Variants in ATXN7 observed in about 807,000 individuals in gnomAD.
ATXN7 encodes the protein ataxin 7, also known as ataxin-7.
ATXN7 carries 12 observed loss-of-function variants against 70.5 expected under a neutral mutation model. That is an observed-to-expected ratio of 0.17 (90% CI 0.11 to 0.28). ATXN7 has a LOEUF of 0.28. Ranked by LOEUF, ATXN7 falls within the 10% of genes least tolerant of loss-of-function variation. ATXN7 has a pLI of 1.00. For missense variants in ATXN7, 1,256 were observed against 1,131.7 expected (o/e 1.11, Z -1.58); for synonymous variants, 498 against 448.7 (o/e 1.11, Z -1.39).
At chr3:63,963,538 C>G (rs1304396961) in intron 5 of ATXN7, among the ~76,000 whole-genome samples, 1 of 152,150 alleles carries the variant, frequency 6.6e-6, no homozygotes, top group African/African-American at 2.4e-5. Context: ...GCTTCTAACT[C>G]TATCCAGGCA....
intron 1 of ATXN7, among the ~76,000 whole-genome samples, chr3:63,880,105 G>T (rs1218793854): frequency 1.3e-5 from 2 of 151,878 alleles, no homozygotes; most frequent in African/African-American, 4.8e-5. Context: ...AAAAAGAACA[G>T]ATTTTTAGCT....
chr3:63,999,473 G>A lies in ATXN7; in HGVS notation c.*6G>A. The A allele has an allele frequency of 6.2e-7, 1 of 1,613,920 alleles. No individual in the cohort carries two copies. The highest frequency in any genetic ancestry group is 8.5e-7 in the Non-Finnish European group (1 of 1,179,942). On this transcript the variant is annotated 3_prime_UTR_variant, in exon 13 of 13. Coordinates refer to ENST00000674280, the MANE Select transcript of ATXN7 (RefSeq NM_001377405.1). ...AGCCAAAGGCACGTCCCTGACAGCT[G>A]AAAATAGCACGGGGAGGAATAATGC...
intron 9 of ATXN7, among the ~76,000 whole-genome samples, chr3:63,989,712 C>T (rs2075637456): frequency 6.6e-6 from 1 of 152,128 alleles, no homozygotes; most frequent in Non-Finnish European, 1.5e-5. Context: ...TATATCAGGC[C>T]ACTTTGTACA....
intron 5 of ATXN7, among the ~76,000 whole-genome samples, chr3:63,977,028 A>G (rs2075399619): frequency 1.3e-5 from 2 of 152,204 alleles, no homozygotes; most frequent in Non-Finnish European, 2.9e-5. Flanking sequence ...CTGAAATTGG[A>G]TGAAAAACTG....
intron 5 of ATXN7, among the ~76,000 whole-genome samples, chr3:63,971,238 C>G (rs1442261584): frequency 6.6e-6 from 1 of 152,164 alleles, no homozygotes; most frequent in Admixed American, 6.5e-5. Flanking sequence ...GAGTTGCCTC[C>G]CAGCCCCAAT....
Position 63,990,235 on chromosome 3 carries a change from A to G in ATXN7, c.1421A>G (p.His474Arg), listed in dbSNP as rs748761537. The G allele has an allele frequency of 3.1e-6, 5 of 1,613,864 alleles. No homozygotes were observed. Among genetic ancestry groups the G allele is most frequent in the East Asian group, 2.2e-5 (1 of 44,854 alleles). The change falls in exon 10 of 13, where the codon CAT (histidine) becomes CGT (arginine). Residue 474 changes from histidine (H) to arginine (R), a missense_variant. By Grantham distance (29) the His-to-Arg change is conservative (BLOSUM62 0). Transcript: ENST00000674280. ...GSAPIDPPPVHESPHPPLPAT... is the reference protein window; with the variant it reads ...GSAPIDPPPVRESPHPPLPAT... Reference sequence around the variant, plus strand: ...GCCCCCATTGACCCTCCTCCAGTCCATGAATCTCCACACCCTCCCCTGCCT... The same window carrying G: ...GCCCCCATTGACCCTCCTCCAGTCCGTGAATCTCCACACCCTCCCCTGCCT...
rs1294288829 is a variant in ATXN7, at chr3:64,001,498, TATAA to T, written c.*2037_*2040del. 7.2e-5 allele frequency: 11 copies of T among 152,336 alleles called. No individual in the cohort carries two copies. Among genetic ancestry groups the T allele is most frequent in the East Asian group, 1.9e-4 (1 of 5,188 alleles). 9.4% of individuals were successfully genotyped at this position (152,336 alleles called of 1,614,324 possible). On this transcript the variant is annotated 3_prime_UTR_variant, in exon 13 of 13. Coordinates refer to ENST00000674280, the MANE Select transcript of ATXN7 (RefSeq NM_001377405.1). ...TTCAGAGCCAAGAGGACTTGATGGT[TATAA>T]ATAAAGTTGCCTTTAGCAATGGAAT...
At position 63,912,757 on chromosome 3, in the gene ATXN7, G is replaced by A. The variant is rs1055385554; in HGVS notation, c.159G>A (p.Pro53=). ...PQPQRQQHPP[P]PPRRTRPEDG... ...CCCAGCGGCAGCAGCACCCGCCACC[G>A]CCGCCACGGCGCACACGGCCGGAGG... is the stretch of plus-strand genomic sequence containing the variant. The change falls in exon 3 of 13, where the codon CCG becomes CCA. Residue 53 remains proline (P), a synonymous_variant. Transcript: ENST00000674280. 1.4e-5 allele frequency: 18 copies of A among 1,320,202 alleles called. No homozygotes were observed. Among genetic ancestry groups the A allele is most frequent in the Non-Finnish European group, 3.9e-6 (4 of 1,034,514 alleles). The allele number at this position is 1,320,202 out of a possible 1,614,324, so 81.8% of individuals were successfully genotyped here. A position where few individuals can be genotyped will look rare whatever the true frequency, so the allele number is the denominator to read the frequency against.
intron 1 of ATXN7, among the ~76,000 whole-genome samples, chr3:63,892,661 G>A (rs892090080): frequency 1.3e-5 from 2 of 152,166 alleles, no homozygotes; most frequent in African/African-American, 4.8e-5. Flanking sequence ...TGGCCTAATT[G>A]CGGGTTCTTA....
rs1467819673 is a variant in ATXN7 at position 64,001,392 on chromosome 3, A to AAG, written c.*1932_*1933dup. 1 of 152,136 alleles carries AAG rather than the reference A, an allele frequency of 6.6e-6. No homozygotes were observed. The highest frequency in any genetic ancestry group is 2.4e-5 in the African/African-American group (1 of 41,428). 9.4% of individuals were successfully genotyped at this position (152,136 alleles called of 1,614,324 possible). ...AGTCTGGTTTCCATCCCAGTCGGGG[A>AAG]AGAGAGAGGTGAGAGGGAATCAGAA... On this transcript the variant is annotated 3_prime_UTR_variant, in exon 13 of 13. Transcript: ENST00000674280.
intron 5 of ATXN7, among the ~76,000 whole-genome samples, chr3:63,978,656 C>G (rs2075432478): frequency 6.6e-6 from 1 of 152,176 alleles, no homozygotes; most frequent in South Asian, 2.1e-4. Context: ...ATTTAACCTT[C>G]CTAACTTGAT....
intron 1 of ATXN7, among the ~76,000 whole-genome samples, chr3:63,885,910 G>C (rs1703072052): frequency 1.3e-5 from 2 of 152,158 alleles, no homozygotes; most frequent in African/African-American, 4.8e-5. Flanking sequence ...CCAGCTACTT[G>C]AGAGGCTGAG....
chr3:63,978,443 A>G (rs1389997164), intron 5 of ATXN7, among the ~76,000 whole-genome samples: 1 of 152,216 alleles, frequency 6.6e-6, no homozygotes, highest in African/African-American at 2.4e-5. Flanking sequence ...CATGTTTACA[A>G]TCCTGGCTGA....
At chr3:63,865,036 A>G (rs1310379187) in intron 1 of ATXN7, 3 of 152,084 alleles carry the variant, frequency 2.0e-5, no homozygotes, top group Admixed American at 1.3e-4. Context: ...TTGTTTTCCA[A>G]TTTTCCTGTC....
intron 4 of ATXN7, among the ~76,000 whole-genome samples, chr3:63,939,886 C>A (rs1299023547): frequency 6.6e-6 from 1 of 151,960 alleles, no homozygotes; most frequent in African/African-American, 2.4e-5. Context: ...CTGGTAGCTC[C>A]CTGAAAAGCC....
At chr3:63,919,265 A>G (rs1279521814) in intron 4 of ATXN7, among the ~76,000 whole-genome samples, 1 of 152,202 alleles carries the variant, frequency 6.6e-6, no homozygotes, top group Non-Finnish European at 1.5e-5. Context: ...AGTGAACAGC[A>G]GAGTTGACTA....
rs922366150 is a variant in ATXN7 at position 63,892,697 on chromosome 3, G to A, written c.-110-5702G>A. ...GCAAGGCAATAGCATCCCACTCCAG[G>A]CACATATTAACCTGAGTGGCTGGGT... On this transcript the variant is annotated intron_variant, in intron 1 of 12. Coordinates refer to ENST00000674280, the MANE Select transcript of ATXN7 (RefSeq NM_001377405.1). Among the ~76,000 whole-genome samples, 48 of 152,290 alleles carry A rather than the reference G, an allele frequency of 3.2e-4. 1 individual carries two copies. Among genetic ancestry groups the A allele is most frequent in the Middle Eastern group, 3.4e-3 (1 of 294 alleles).
In ATXN7 at chr3:63,971,582, A is replaced by C. The variant is rs1357180264; in HGVS notation, c.500-8333A>C. ...TTGACAACAATGAAAGTAGTGAGGAAATATTAAATGCTCGATGTTCATGTG... is the reference window on the plus strand; with the variant it reads ...TTGACAACAATGAAAGTAGTGAGGACATATTAAATGCTCGATGTTCATGTG... On this transcript the variant is annotated intron_variant, in intron 5 of 12. Coordinates refer to ENST00000674280, the MANE Select transcript of ATXN7 (RefSeq NM_001377405.1). Among the ~76,000 whole-genome samples, 3 of 152,196 alleles carry C rather than the reference A, an allele frequency of 2.0e-5. 1 individual carries two copies. Among genetic ancestry groups the C allele is most frequent in the Non-Finnish European group, 4.4e-5 (3 of 68,032 alleles).
At chr3:63,891,752 C>T (rs1460159931) in intron 1 of ATXN7, among the ~76,000 whole-genome samples, 1 of 152,192 alleles carries the variant, frequency 6.6e-6, no homozygotes, top group African/African-American at 2.4e-5. Context: ...TTGGCGATCT[C>T]TATCACAAAT....
Sources: allele counts gnomAD v4.1 joint callset (sites outside exome capture counted in the v4.1 genomes callset), GRCh38; gene constraint gnomAD v4.1.1; transcripts MANE v1.5; gene names NCBI Gene and HGNC (gene_info 2026-07-23, HGNC 2026-07-21).